Variants in MAGI2 observed in about 807,000 individuals in gnomAD.
MAGI2 encodes membrane-associated guanylate kinase, WW and PDZ domain-containing protein 2.
Under a neutral mutation model 133.3 loss-of-function variants are expected in MAGI2, and 35 were observed. That is an observed-to-expected ratio of 0.26 (90% CI 0.20 to 0.35). The LOEUF is 0.35. Among genes scored for constraint, MAGI2 ranks in the 10% least tolerant of loss-of-function variants. MAGI2 has a pLI of 1.00. For synonymous variants in MAGI2, 729 were observed against 710.6 expected, an observed-to-expected ratio of 1.03 and a Z score of -0.41; for missense variants, 1,636 against 1,863.4, an observed-to-expected ratio of 0.88 and a Z score of 2.25.
intron 21 of MAGI2, among the ~76,000 whole-genome samples, chr7:78,053,358 G>C (rs1187832214): frequency 1.3e-5 from 2 of 152,208 alleles, no homozygotes; most frequent in Non-Finnish European, 2.9e-5. Context: ...AGCTGTCCCA[G>C]GACTGTGTTG....
chr7:78,422,713 A>G (rs1185555587), intron 6 of MAGI2, among the ~76,000 whole-genome samples: 1 of 152,198 alleles, frequency 6.6e-6, no homozygotes, highest in Non-Finnish European at 1.5e-5. Flanking sequence ...AAGATTAAAA[A>G]CCAATGTCAG....
intron 10 of MAGI2, among the ~76,000 whole-genome samples, chr7:78,208,695 T>A (rs1584399448): frequency 2.9e-5 from 1 of 33,970 alleles, no homozygotes; most frequent in Non-Finnish European, 7.3e-5. Context: ...GTATAGCATT[T>A]TTTTTTTTTT....
chr7:78,168,352 A>G (rs568432993), intron 14 of MAGI2, among the ~76,000 whole-genome samples: 64 of 152,254 alleles, frequency 4.2e-4, no homozygotes, highest in Middle Eastern at 3.4e-3. Context: ...ATGCACTTGT[A>G]AAGTAAAAAA....
At chr7:78,562,966 T>A (rs999887353) in intron 3 of MAGI2, among the ~76,000 whole-genome samples, 5 of 151,504 alleles carry the variant, frequency 3.3e-5, no homozygotes, top group African/African-American at 1.2e-4. Flanking sequence ...CCCCTCCATC[T>A]CTTTGTCTCT....
intron 9 of MAGI2, among the ~76,000 whole-genome samples, chr7:78,267,452 A>G (rs1490207124): frequency 3.9e-5 from 6 of 152,182 alleles, no homozygotes; most frequent in Non-Finnish European, 5.9e-5. Context: ...TGATTGTTCA[A>G]ACTTGGACCC....
At chr7:78,533,176 G>T (rs1797610645) in intron 3 of MAGI2, among the ~76,000 whole-genome samples, 1 of 152,136 alleles carries the variant, frequency 6.6e-6, no homozygotes, top group African/African-American at 2.4e-5. Context: ...ATATTTTACT[G>T]AGGTATACCT....
intron 1 of MAGI2, among the ~76,000 whole-genome samples, chr7:79,243,265 AG>A (rs1832564081): frequency 6.6e-6 from 1 of 152,214 alleles, no homozygotes; most frequent in South Asian, 2.1e-4. Context: ...ATAAGAACCA[AG>A]AGAGCAATTT....
At chr7:79,176,705 T>C (rs1393774955) in intron 1 of MAGI2, among the ~76,000 whole-genome samples, 4 of 152,050 alleles carry the variant, frequency 2.6e-5, no homozygotes, top group Non-Finnish European at 5.9e-5. Flanking sequence ...TACCAGTTTA[T>C]AATTTTATAA....
intron 9 of MAGI2, among the ~76,000 whole-genome samples, chr7:78,275,610 G>T (rs545044143): frequency 6.6e-5 from 10 of 152,166 alleles, no homozygotes; most frequent in Non-Finnish European, 1.3e-4. Flanking sequence ...GACTGGGGAT[G>T]TAACTCTGAG....
At chr7:78,377,440 A>G (rs1460067025) in intron 6 of MAGI2, among the ~76,000 whole-genome samples, 1 of 151,964 alleles carries the variant, frequency 6.6e-6, no homozygotes, top group Non-Finnish European at 1.5e-5. Flanking sequence ...ATTAGAACAC[A>G]AGTATGAAGA....
chr7:78,641,843 T>A (rs1199776630), intron 2 of MAGI2, among the ~76,000 whole-genome samples: 4 of 152,208 alleles, frequency 2.6e-5, no homozygotes, highest in Non-Finnish European at 5.9e-5. Flanking sequence ...TGAAATAATA[T>A]GAACAAGAAA....
At chr7:79,386,304 C>A (rs530942678) in intron 1 of MAGI2, among the ~76,000 whole-genome samples, 2 of 152,002 alleles carry the variant, frequency 1.3e-5, no homozygotes, top group African/African-American at 4.8e-5. Flanking sequence ...AGAATTTATG[C>A]CCAGTCACTT....
intron 2 of MAGI2, among the ~76,000 whole-genome samples, chr7:78,844,976 C>G (rs73137296): frequency 0.067 from 10,223 of 151,908 alleles, 455 homozygotes; most frequent in African/African-American, 0.13. Flanking sequence ...TCTCTCAGTT[C>G]AGAAGAAAAT....
intron 2 of MAGI2, among the ~76,000 whole-genome samples, chr7:78,669,315 A>G (rs931342229): frequency 3.3e-5 from 5 of 152,076 alleles, no homozygotes; most frequent in African/African-American, 1.2e-4. Flanking sequence ...AAACTAGAAA[A>G]TCTAGAAGAA....
chr7:79,227,294 T>A (rs977831420), intron 1 of MAGI2, among the ~76,000 whole-genome samples: 4 of 152,224 alleles, frequency 2.6e-5, no homozygotes, highest in African/African-American at 9.6e-5. Context: ...GAATGAAGGA[T>A]AATATACCCA....
intron 2 of MAGI2, among the ~76,000 whole-genome samples, chr7:78,728,117 T>G (rs984003350): frequency 6.6e-6 from 1 of 152,280 alleles, no homozygotes; most frequent in East Asian, 1.9e-4. Context: ...CCACTCAAAC[T>G]TTTGTGTGTA....
chr7:78,671,281 CTTTTTT>C (rs34087973), intron 2 of MAGI2, among the ~76,000 whole-genome samples: 1 of 144,020 alleles, frequency 6.9e-6, no homozygotes. Flanking sequence ...CTCTCTCTCT[CTTTTTT>C]TTTTTTTTAA....
At chr7:78,025,245 C>T (rs535973985) in intron 21 of MAGI2, among the ~76,000 whole-genome samples, 71 of 152,330 alleles carry the variant, frequency 4.7e-4, no homozygotes, top group African/African-American at 1.6e-3. Context: ...CTAAAAAGAA[C>T]ATGGCGGGTT....
At chr7:78,925,519 C>T (rs1799627455) in intron 2 of MAGI2, among the ~76,000 whole-genome samples, 1 of 151,906 alleles carries the variant, frequency 6.6e-6, no homozygotes, top group Non-Finnish European at 1.5e-5. Flanking sequence ...CAAAGTGTGG[C>T]CTAGGGGACT....
Sources: gnomAD v4.1 joint callset for allele counts (sites outside exome capture counted in the v4.1 genomes callset) on GRCh38, gnomAD v4.1.1 for gene constraint, MANE v1.5 for transcripts, NCBI Gene and HGNC (gene_info 2026-07-23, HGNC 2026-07-21) for gene names.